KIAA1614: variants seen among roughly 807,000 people sequenced by gnomAD.
KIAA1614 encodes the protein uncharacterized protein KIAA1614.
Under a neutral mutation model 88.7 loss-of-function variants are expected in KIAA1614, and 76 were observed. The ratio of observed to expected loss-of-function variants is 0.86; its 90% CI spans 0.71 to 1.04. The LOEUF (loss-of-function observed/expected upper bound fraction) is 1.04. Ranked by LOEUF, KIAA1614 falls within the 50% of genes least tolerant of loss-of-function variation. KIAA1614 has a pLI of 0.00. For synonymous variants in KIAA1614, 714 were observed against 675.5 expected (o/e 1.06, Z -0.88); for missense variants, 1,553 against 1,582.5 (o/e 0.98, Z 0.32).
At position 180,941,091 on chromosome 1, in the gene KIAA1614, C is replaced by A; in HGVS notation, c.2965C>A (p.Pro989Thr). 1.9e-6 allele frequency: 3 copies of A among 1,612,550 alleles called. No individual in the cohort carries two copies. The highest frequency in any genetic ancestry group is 1.7e-5 in the Admixed American group (1 of 59,932). Reference sequence around the variant, plus strand: ...AGGACCCGGCTCCCCCTCGGCTGCCCCTTTGGACCAGAACAAGAAAAGGAG... The same window carrying A: ...AGGACCCGGCTCCCCCTCGGCTGCCACTTTGGACCAGAACAAGAAAAGGAG... The part of the protein sequence containing the change: ...GTGPGSPSAA[P>T]LDQNKKRSSS... Residue 989 changes from proline to threonine, a missense_variant, in exon 7 of 9, where the codon CCT becomes ACT. Coordinates refer to ENST00000367588, the MANE Select transcript of KIAA1614 (RefSeq NM_020950.2).
rs1558071659 is a variant in KIAA1614 at position 180,938,728 on chromosome 1, A to G, written c.2918+17A>G. 3.1e-6 allele frequency: 5 copies of G among 1,612,036 alleles called. No homozygotes were observed. The highest frequency in any genetic ancestry group is 4.2e-6 in the Non-Finnish European group (5 of 1,178,626). On this transcript the variant is annotated intron_variant, in intron 6 of 8. Coordinates refer to ENST00000367588, the MANE Select transcript of KIAA1614 (RefSeq NM_020950.2). ...GCTGTCAAGGTGAGTGACAGGAGAA[A>G]GAGCCAGATTGCAGAAGGAGGTGGG...
chr1:180,942,320 T>A (rs1393070827), intron 7 of KIAA1614, among the ~76,000 whole-genome samples: 3 of 152,226 alleles, frequency 2.0e-5, no homozygotes, highest in Non-Finnish European at 4.4e-5. Flanking sequence ...CCCCACGCTC[T>A]GCAACCAGGA....
intron 1 of KIAA1614, among the ~76,000 whole-genome samples, chr1:180,915,718 A>G (rs1653776417): frequency 6.6e-6 from 1 of 152,186 alleles, no homozygotes; most frequent in South Asian, 2.1e-4. Context: ...CCTGTTAGGA[A>G]CCAGGCCGCA....
intron 8 of KIAA1614, 108 bp downstream of exon 8, chr1:180,944,624 G>A: frequency 7.8e-7 from 1 of 1,282,480 alleles, no homozygotes; most frequent in Non-Finnish European, 1.1e-6. Flanking sequence ...AGGGTCCTTT[G>A]AAGGGAAAGC....
At chr1:180,927,417 T>C (rs1403817945) in intron 3 of KIAA1614, among the ~76,000 whole-genome samples, 1 of 152,202 alleles carries the variant, frequency 6.6e-6, no homozygotes, top group Non-Finnish European at 1.5e-5. Flanking sequence ...CTGGAGACAG[T>C]GGGCTGGCTG....
chr1:180,933,688 G>A (rs888484484), intron 4 of KIAA1614, among the ~76,000 whole-genome samples: 2 of 152,148 alleles, frequency 1.3e-5, no homozygotes, highest in African/African-American at 2.4e-5. Context: ...GGTGTCTTCC[G>A]GAACTGAGCA....
chr1:180,916,959 G>T lies in KIAA1614; in HGVS notation c.856G>T (p.Ala286Ser). Residue 286 changes from alanine to serine, a missense_variant, in exon 2 of 9, where the codon GCT (alanine) becomes TCT (serine). Physicochemically the swap from Ala to Ser is moderately conservative, Grantham distance 99. Coordinates refer to ENST00000367588, the MANE Select transcript of KIAA1614 (RefSeq NM_020950.2). The stretch of plus-strand genomic sequence containing the variant: ...AGCTGGAGACCTGGAGGCTCTGGGC[G>T]CTGGGAGCAGTGTCTTGTCCCTGTC... ...WRAGDLEALG[A>S]GSSVLSLSDR... The T allele has an allele frequency of 6.2e-7, 1 of 1,614,200 alleles. No homozygotes were observed. Among genetic ancestry groups the T allele is most frequent in the Non-Finnish European group, 8.5e-7 (1 of 1,180,044 alleles).
chr1:180,929,464 GAT>G (rs1361002787), intron 4 of KIAA1614, among the ~76,000 whole-genome samples: 1 of 152,202 alleles, frequency 6.6e-6, no homozygotes, highest in Admixed American at 6.5e-5. Context: ...CAGGCAGTTG[GAT>G]ACAGGATCTT....
In KIAA1614 at chr1:180,929,839, T is replaced by C. The variant is rs554606548; in HGVS notation, c.1205+1266T>C. ...ATGGTGGGCCTGCTGCATCAGCCTG[T>C]TTGAATCACCACGTGGCAGTGGAGG... On this transcript the variant is annotated intron_variant, in intron 4 of 8. Coordinates refer to ENST00000367588, the MANE Select transcript of KIAA1614 (RefSeq NM_020950.2). Among the ~76,000 whole-genome samples, 8 of 152,000 alleles carry C rather than the reference T, an allele frequency of 5.3e-5. No individual in the cohort carries two copies. The South Asian group carries it at 1.7e-3, about 32-fold the overall frequency.
chr1:180,945,242 G>A, intron 8 of KIAA1614, 61 bp from the exon 9 acceptor site: 1 of 1,518,980 alleles, frequency 6.6e-7, no homozygotes, highest in Non-Finnish European at 8.8e-7. Context: ...GTAAGCCAGG[G>A]AAGAGCTGTG....
rs1302557265 is a variant in KIAA1614 at position 180,946,549 on chromosome 1, C to G, written c.*961C>G. On this transcript the variant is annotated 3_prime_UTR_variant, in exon 9 of 9. Transcript: ENST00000367588. ...CTCAAGGGCCCATAAAAGACATTCC[C>G]CAGAGGATCAGGGAAGGAAGACACG... The G allele has an allele frequency of 6.6e-6, 1 of 152,222 alleles. No homozygotes were observed. Among genetic ancestry groups the G allele is most frequent in the Non-Finnish European group, 1.5e-5 (1 of 68,070 alleles). 9.4% of individuals were successfully genotyped at this position (152,222 alleles called of 1,614,324 possible).
rs1452999591 is a variant in KIAA1614, at chr1:180,936,253, CA to C, written c.2346del (p.Gln782HisfsTer219). 1 of 1,614,112 alleles carries C rather than the reference CA, an allele frequency of 6.2e-7. No homozygotes were observed. The highest frequency in any genetic ancestry group is 1.3e-5 in the African/African-American group (1 of 74,936). On this transcript the variant is annotated frameshift_variant, in exon 5 of 9. Coordinates refer to ENST00000367588, the MANE Select transcript of KIAA1614 (RefSeq NM_020950.2). LOFTEE classifies it high-confidence loss of function. ...GGAAATTGTCTCTCCTTCCTCCCTG[CA>C]ACAGAGCCATGCAGAGCCTTCTGCC... ...SLEIVSPSSL[Q>X]QSHAEPSAPH... is the part of the protein sequence containing the mutation.
chr1:180,938,607 G>A lies in KIAA1614; in HGVS notation c.2814G>A (p.Thr938=), dbSNP rs200033632. 3.0e-5 allele frequency: 48 copies of A among 1,613,948 alleles called. No individual in the cohort carries two copies. The highest frequency in any genetic ancestry group is 3.9e-5 in the Non-Finnish European group (46 of 1,179,980). The change falls in exon 6 of 9, where the codon ACG becomes ACA. Residue 938 remains threonine, a synonymous_variant. Coordinates refer to ENST00000367588, the MANE Select transcript of KIAA1614 (RefSeq NM_020950.2). ...GSADVATINS[T]GITLSLSSEE... ...CAGATGTTGCCACCATCAACTCCAC[G>A]GGCATCACCCTCTCCCTGTCCTCAG...
At chr1:180,926,526 G>A (rs1020086132) in intron 3 of KIAA1614, among the ~76,000 whole-genome samples, 1 of 151,108 alleles carries the variant, frequency 6.6e-6, no homozygotes, top group Non-Finnish European at 1.5e-5. Context: ...GAGCAGAAAG[G>A]AAATAGCAAA....
intron 3 of KIAA1614, 121 bp downstream of exon 3, chr1:180,918,035 C>A: frequency 2.5e-6 from 2 of 799,894 alleles, no homozygotes; most frequent in Non-Finnish European, 4.2e-6. Context: ...CCTGCACCAG[C>A]AGACCAGTGG....
chr1:180,934,648 T>A (rs1167668434), intron 4 of KIAA1614, among the ~76,000 whole-genome samples: 6 of 152,174 alleles, frequency 3.9e-5, no homozygotes. Context: ...CTCCTTTAAG[T>A]GGAAACTTAA....
chr1:180,933,997 G>C (rs113288117), intron 4 of KIAA1614, among the ~76,000 whole-genome samples: 2,424 of 152,332 alleles, frequency 0.016, 69 homozygotes, highest in African/African-American at 0.056. Context: ...GCTCACGCCT[G>C]TAATCCCAGC....
chr1:180,916,744 A>G lies in KIAA1614; in HGVS notation c.641A>G (p.His214Arg), dbSNP rs754075965. Residue 214 changes from histidine to arginine, a missense_variant, in exon 2 of 9, where the codon CAT becomes CGT. By Grantham distance (29) the His-to-Arg change is conservative. Coordinates refer to ENST00000367588, the MANE Select transcript of KIAA1614 (RefSeq NM_020950.2). Reference protein sequence around the residue: ...GPSSLQQSPIHGVTPGRPGGP... With the variant: ...GPSSLQQSPIRGVTPGRPGGP... ...AGCTCTTTGCAACAGAGCCCGATCC[A>G]TGGAGTTACTCCCGGACGGCCTGGG... The G allele has an allele frequency of 2.5e-6, 4 of 1,614,194 alleles. No individual in the cohort carries two copies. The highest frequency in any genetic ancestry group is 1.7e-5 in the Admixed American group (1 of 60,036).
chr1:180,944,652 G>A (rs1463947142), intron 8 of KIAA1614, 136 bp downstream of exon 8: 3 of 983,192 alleles, frequency 3.1e-6, no homozygotes, highest in Admixed American at 2.8e-5. Context: ...CATGTGATGT[G>A]TGGAGACGAG....
Sources: gnomAD v4.1 joint callset for allele counts (sites outside exome capture counted in the v4.1 genomes callset) on GRCh38, gnomAD v4.1.1 for gene constraint, MANE v1.5 for transcripts, NCBI Gene and HGNC (gene_info 2026-07-23, HGNC 2026-07-21) for gene names.